Variants in IFT140 observed in about 807,000 individuals in gnomAD.
IFT140 encodes intraflagellar transport 140.
IFT140 carries 133 observed loss-of-function variants against 164.6 expected under a neutral mutation model. That is an observed-to-expected ratio of 0.81 (90% CI 0.70 to 0.93). The LOEUF (loss-of-function observed/expected upper bound fraction) is 0.93. Ranked by LOEUF, IFT140 falls within the 40% of genes least tolerant of loss-of-function variation. The pLI is 0.00. For missense variants in IFT140, 2,045 were observed against 1,972.3 expected, an observed-to-expected ratio of 1.04 and a Z score of -0.70; for synonymous variants, 860 against 817.3, an observed-to-expected ratio of 1.05 and a Z score of -0.89.
chr16:1,528,901 G>GGT (rs1299725835), intron 19 of IFT140: 1 of 152,232 alleles, frequency 6.6e-6, no homozygotes, highest in Non-Finnish European at 1.5e-5. Context: ...CCAGTCCCAC[G>GGT]GTGGTACCTC....
chr16:1,608,154 T>G (rs1267930486), intron 2 of IFT140, among the ~76,000 whole-genome samples: 3 of 152,232 alleles, frequency 2.0e-5, no homozygotes, highest in Non-Finnish European at 4.4e-5. Context: ...GCTTGATCAC[T>G]TACGTGAACT....
At chr16:1,609,208 G>C (rs948098590) in intron 2 of IFT140, among the ~76,000 whole-genome samples, 4 of 152,154 alleles carry the variant, frequency 2.6e-5, no homozygotes, top group African/African-American at 9.7e-5. Context: ...CAAATCCTGG[G>C]CTAAGGGAAA....
At chr16:1,600,784 C>T (rs1268150526) in intron 4 of IFT140, among the ~76,000 whole-genome samples, 1 of 151,418 alleles carries the variant, frequency 6.6e-6, no homozygotes, top group South Asian at 2.1e-4. Context: ...ATATTTCTGC[C>T]AAAAACGTTT....
At chr16:1,589,066 A>G (rs1476881375) in intron 7 of IFT140, among the ~76,000 whole-genome samples, 1 of 152,202 alleles carries the variant, frequency 6.6e-6, no homozygotes, top group African/African-American at 2.4e-5. Context: ...GGCCCCTGGG[A>G]CGAGGTCCCT....
intron 19 of IFT140, chr16:1,540,996 T>G (rs1474623797): frequency 1.0e-6 from 1 of 985,196 alleles, no homozygotes; most frequent in Non-Finnish European, 1.2e-6. Flanking sequence ...TGGGCCCCTG[T>G]GTAAGGTTTT....
At chr16:1,607,493 A>C (rs1318952219) in intron 2 of IFT140, among the ~76,000 whole-genome samples, 196 bp from the exon 3 acceptor site, 1 of 152,252 alleles carries the variant, frequency 6.6e-6, no homozygotes, top group East Asian at 1.9e-4. Flanking sequence ...GAAGAGAAGC[A>C]GTTAGACCCG....
intron 18 of IFT140, 39 bp from the exon 19 acceptor site, chr16:1,558,173 G>A (rs1203711423): frequency 6.2e-7 from 1 of 1,605,778 alleles, no homozygotes; most frequent in Admixed American, 1.7e-5. Context: ...TAATTCATAT[G>A]TAAAGCTGAA....
chr16:1,609,127 T>C (rs28519681), intron 2 of IFT140, among the ~76,000 whole-genome samples: 67,467 of 151,770 alleles, frequency 0.44, 16,698 homozygotes, highest in African/African-American at 0.67. Context: ...TGCACTCCAG[T>C]CTGGGCGACA....
chr16:1,541,898 G>T, intron 19 of IFT140: 1 of 1,568,926 alleles, frequency 6.4e-7, no homozygotes. Context: ...ACTCACCACT[G>T]CCTCTCTGCT....
intron 19 of IFT140, among the ~76,000 whole-genome samples, chr16:1,538,129 C>A (rs976663479): frequency 3.3e-5 from 5 of 152,214 alleles, no homozygotes; most frequent in Admixed American, 3.3e-4. Flanking sequence ...CAGGCGGGAG[C>A]GTGGCTCAGA....
At chr16:1,557,598 C>A in intron 19 of IFT140, 1 of 251,124 alleles carries the variant, frequency 4.0e-6, no homozygotes, top group Non-Finnish European at 7.6e-6. Context: ...TGTGTTTCCA[C>A]CTGGCTGTTT....
chr16:1,530,849 A>T (rs1271460156), intron 19 of IFT140: 3 of 152,186 alleles, frequency 2.0e-5, no homozygotes, highest in Non-Finnish European at 4.4e-5. Flanking sequence ...TGTCCTGGGC[A>T]TTAAGTCTGC....
At position 1,558,064 on chromosome 16, in the gene IFT140, C is replaced by T; in HGVS notation, c.2270G>A (p.Arg757Lys). 3 of 1,614,130 alleles carry T rather than the reference C, an allele frequency of 1.9e-6. No homozygotes were observed. In the East Asian group the frequency reaches 6.7e-5, roughly 36 times the overall value. Reference protein sequence around the residue: ...CHHIPQMVSRRPLRDFVGLED... With the variant: ...CHHIPQMVSRKPLRDFVGLED... ...CAGCCCCACAAAGTCTCGCAGGGGTCTCCTGGACACCATCTGAGGGATGTG... is the reference window on the plus strand; with the variant it reads ...CAGCCCCACAAAGTCTCGCAGGGGTTTCCTGGACACCATCTGAGGGATGTG... The change falls in exon 19 of 31, where the codon AGA (arginine) becomes AAA (lysine). Residue 757 changes from arginine (R) to lysine (K), a missense_variant. Transcript: ENST00000426508.
intron 30 of IFT140, among the ~76,000 whole-genome samples, chr16:1,513,687 T>C (rs2040246473): frequency 6.6e-6 from 1 of 151,310 alleles, no homozygotes; most frequent in African/African-American, 2.4e-5. Flanking sequence ...TTTTTTTTCT[T>C]TTTTGAGACG....
rs1325780900 is a variant in IFT140 at position 1,525,868 on chromosome 16, C to T, written c.2768+19G>A. 6 of 1,505,792 alleles carry T rather than the reference C, an allele frequency of 4.0e-6. 1 individual carries two copies. Among genetic ancestry groups the T allele is most frequent in the South Asian group, 2.5e-5 (2 of 80,312 alleles). 93.3% of individuals were successfully genotyped at this position (1,505,792 alleles called of 1,614,324 possible). On this transcript the variant is annotated intron_variant, in intron 21 of 30. Coordinates refer to ENST00000426508, the MANE Select transcript of IFT140 (RefSeq NM_014714.4). The stretch of plus-strand genomic sequence containing the variant: ...GCCATCCAGAGAGGCAGGGAAGAGG[C>T]CGCGAGGGCCGCACTCACTAACTGA...
intron 12 of IFT140, among the ~76,000 whole-genome samples, chr16:1,581,094 C>G (rs1252101435): frequency 1.3e-5 from 2 of 152,204 alleles, no homozygotes; most frequent in East Asian, 3.9e-4. Context: ...CCATGCTGGG[C>G]TCTGGGCTCC....
Position 1,518,358 on chromosome 16 carries a change from C to T in IFT140, c.4041-1G>A, listed in dbSNP as rs2040425297. ...CTCCTTGGGGTCCTCTGTGTACGTC[C>T]TGCCGAGAGCAGAGATGAGGCCTGG... On this transcript the variant is annotated splice_acceptor_variant, in intron 29 of 30. Coordinates refer to ENST00000426508, the MANE Select transcript of IFT140 (RefSeq NM_014714.4). LOFTEE classifies it high-confidence loss of function. 1 of 1,612,930 alleles carries T rather than the reference C, an allele frequency of 6.2e-7. No individual in the cohort carries two copies. The highest frequency in any genetic ancestry group is 1.3e-5 in the African/African-American group (1 of 75,014).
At chr16:1,569,757 A>AT (rs57236076) in intron 14 of IFT140, among the ~76,000 whole-genome samples, 16,432 of 146,068 alleles carry the variant, frequency 0.11, 1,308 homozygotes, top group African/African-American at 0.23. Flanking sequence ...TGCCTGGCTA[A>AT]TTTTTTTTTT....
At chr16:1,609,003 A>C (rs2036213826) in intron 2 of IFT140, among the ~76,000 whole-genome samples, 1 of 152,082 alleles carries the variant, frequency 6.6e-6, no homozygotes, top group African/African-American at 2.4e-5. Flanking sequence ...AAAAATACAA[A>C]AATTAGCTGG....
Sources: gnomAD v4.1 joint callset for allele counts (sites outside exome capture counted in the v4.1 genomes callset) on GRCh38, gnomAD v4.1.1 for gene constraint, MANE v1.5 for transcripts, NCBI Gene and HGNC (gene_info 2026-07-23, HGNC 2026-07-21) for gene names.